CTNNA3: variants seen among roughly 807,000 people sequenced by gnomAD.
CTNNA3 encodes the protein catenin alpha-3.
CTNNA3 carries 76 observed loss-of-function variants against 95.7 expected under a neutral mutation model. The ratio of observed to expected loss-of-function variants is 0.79; its 90% CI spans 0.66 to 0.96. CTNNA3 has a LOEUF of 0.96. Ranked by LOEUF, CTNNA3 falls within the 40% of genes least tolerant of loss-of-function variation. CTNNA3 has a pLI of 0.00. For synonymous variants in CTNNA3, 431 were observed against 374.4 expected (o/e 1.15, Z -1.74); for missense variants, 1,191 against 1,089.8 (o/e 1.09, Z -1.31).
intron 2 of CTNNA3, among the ~76,000 whole-genome samples, chr10:67,628,669 G>A (rs1047248571): frequency 3.3e-5 from 5 of 152,002 alleles, no homozygotes; most frequent in Non-Finnish European, 7.4e-5. Flanking sequence ...TATCTTGTTA[G>A]TATGTGTTCC....
At chr10:67,056,647 G>T (rs1855449889) in intron 7 of CTNNA3, among the ~76,000 whole-genome samples, 1 of 152,022 alleles carries the variant, frequency 6.6e-6, no homozygotes, top group African/African-American at 2.4e-5. Flanking sequence ...AGTGGCGACA[G>T]AAAAATAAAC....
chr10:67,624,444 CT>C (rs1843958699), intron 2 of CTNNA3, among the ~76,000 whole-genome samples: 1 of 152,164 alleles, frequency 6.6e-6, no homozygotes, highest in Non-Finnish European at 1.5e-5. Context: ...CACATTTCCC[CT>C]ATCTCCCCTC....
chr10:66,239,489 G>A (rs1213629387), intron 13 of CTNNA3, among the ~76,000 whole-genome samples: 1 of 151,666 alleles, frequency 6.6e-6, no homozygotes, highest in African/African-American at 2.4e-5. Flanking sequence ...TTCAGAAACT[G>A]TGTTGAAAAA....
chr10:67,036,420 C>G (rs1028292391), intron 7 of CTNNA3, among the ~76,000 whole-genome samples: 1 of 152,132 alleles, frequency 6.6e-6, no homozygotes, highest in Non-Finnish European at 1.5e-5. Context: ...AACCCCAGCA[C>G]TTTGGAAGGC....
At chr10:67,554,129 T>C (rs1159725897) in intron 3 of CTNNA3, among the ~76,000 whole-genome samples, 1 of 152,256 alleles carries the variant, frequency 6.6e-6, no homozygotes, top group Non-Finnish European at 1.5e-5. Flanking sequence ...ATGGGGTATA[T>C]GTGTCACATT....
chr10:66,677,720 C>A (rs1216995329), intron 9 of CTNNA3, among the ~76,000 whole-genome samples: 6 of 152,110 alleles, frequency 3.9e-5, no homozygotes, highest in African/African-American at 1.4e-4. Context: ...TGATTATAAG[C>A]CTCCCCAGCC....
In CTNNA3 at chr10:67,359,996, C is replaced by G. The variant is rs75615604; in HGVS notation, c.580-140126G>C. Among the ~76,000 whole-genome samples, 1,495 of 152,220 alleles carry G rather than the reference C, an allele frequency of 9.8e-3. 22 individuals carry two copies. Among genetic ancestry groups the G allele is most frequent in the African/African-American group, 0.031 (1,301 of 41,546 alleles). ...AAAGGCAACCCCAGCAGGCTAACAGCAGACTTCTCAGTAGGTTTCTACTTT... is the reference window on the plus strand; with the variant it reads ...AAAGGCAACCCCAGCAGGCTAACAGGAGACTTCTCAGTAGGTTTCTACTTT... On this transcript the variant is annotated intron_variant, in intron 5 of 17. Coordinates refer to ENST00000433211, the MANE Select transcript of CTNNA3 (RefSeq NM_013266.4).
At chr10:66,149,978 G>T (rs1369133522) in intron 13 of CTNNA3, among the ~76,000 whole-genome samples, 1 of 152,082 alleles carries the variant, frequency 6.6e-6, no homozygotes, top group Non-Finnish European at 1.5e-5. Flanking sequence ...ATGTCCTTGA[G>T]TTAACAATGG....
At chr10:67,128,723 A>C (rs1589770599) in intron 7 of CTNNA3, among the ~76,000 whole-genome samples, 1 of 152,284 alleles carries the variant, frequency 6.6e-6, no homozygotes, top group Admixed American at 6.5e-5. Context: ...TTGCCCCAGA[A>C]GGTGTCCACA....
chr10:67,173,121 T>C (rs1416552961), intron 7 of CTNNA3, among the ~76,000 whole-genome samples: 1 of 152,238 alleles, frequency 6.6e-6, no homozygotes, highest in Non-Finnish European at 1.5e-5. Flanking sequence ...TAATATTTCA[T>C]TGTTCAAGGG....
At chr10:67,157,028 T>C (rs1042602522) in intron 7 of CTNNA3, among the ~76,000 whole-genome samples, 3 of 152,226 alleles carry the variant, frequency 2.0e-5, no homozygotes, top group Non-Finnish European at 4.4e-5. Flanking sequence ...TTTATCACTA[T>C]ATAATGTCCT....
At chr10:66,166,868 A>G (rs1445310434) in intron 13 of CTNNA3, among the ~76,000 whole-genome samples, 2 of 152,174 alleles carry the variant, frequency 1.3e-5, no homozygotes, top group African/African-American at 4.8e-5. Flanking sequence ...TAAAACAGGA[A>G]CAGGTGTCGA....
chr10:66,569,235 A>T lies in CTNNA3; in HGVS notation c.1375-48462T>A, dbSNP rs114489409. Among the ~76,000 whole-genome samples the T allele has an allele frequency of 8.4e-3, 1,273 of 152,234 alleles. 18 individuals are homozygous for T. Among genetic ancestry groups the T allele is most frequent in the African/African-American group, 0.029 (1,209 of 41,538 alleles). On this transcript the variant is annotated intron_variant, in intron 10 of 17. Coordinates refer to ENST00000433211, the MANE Select transcript of CTNNA3 (RefSeq NM_013266.4). The stretch of plus-strand genomic sequence containing the variant: ...GTGGAGGGACAAATGGAAAATATTC[A>T]GCCAATATTTCTTAGCTGCGCCAGC...
At chr10:67,528,481 G>A (rs1005117791) in intron 4 of CTNNA3, among the ~76,000 whole-genome samples, 12 of 152,002 alleles carry the variant, frequency 7.9e-5, no homozygotes, top group African/African-American at 2.9e-4. Flanking sequence ...CAGCCATTCA[G>A]GACTATTACA....
At chr10:66,212,948 G>A (rs941052903) in intron 13 of CTNNA3, among the ~76,000 whole-genome samples, 3 of 152,238 alleles carry the variant, frequency 2.0e-5, no homozygotes, top group South Asian at 2.1e-4. Context: ...GGTTGGAGGC[G>A]GAGGTTGCAG....
chr10:67,618,774 T>C (rs1347189827), intron 2 of CTNNA3, among the ~76,000 whole-genome samples: 1 of 152,212 alleles, frequency 6.6e-6, no homozygotes, highest in Non-Finnish European at 1.5e-5. Context: ...TAAATACTTA[T>C]ATTCAGTTTA....
At chr10:66,689,597 C>A (rs1205544901) in intron 9 of CTNNA3, among the ~76,000 whole-genome samples, 1 of 152,038 alleles carries the variant, frequency 6.6e-6, no homozygotes, top group African/African-American at 2.4e-5. Flanking sequence ...TTTCTAGTAG[C>A]CCAAGAGTCC....
intron 16 of CTNNA3, among the ~76,000 whole-genome samples, chr10:65,970,722 A>G (rs1436199236): frequency 1.3e-5 from 2 of 148,228 alleles, no homozygotes; most frequent in Non-Finnish European, 3.0e-5. Context: ...ATATTAAAAT[A>G]TAATATATAA....
intron 3 of CTNNA3, among the ~76,000 whole-genome samples, chr10:67,560,251 C>G (rs1482536148): frequency 6.6e-6 from 1 of 151,572 alleles, no homozygotes; most frequent in Non-Finnish European, 1.5e-5. Flanking sequence ...GGTCGGGTTA[C>G]CCACAAAGGG....
Sources: allele counts gnomAD v4.1 joint callset (sites outside exome capture counted in the v4.1 genomes callset), GRCh38; gene constraint gnomAD v4.1.1; transcripts MANE v1.5; gene names NCBI Gene and HGNC (gene_info 2026-07-23, HGNC 2026-07-21).